CNTNAP2: variants seen among roughly 807,000 people sequenced by gnomAD.
The protein encoded by CNTNAP2 is contactin-associated protein-like 2.
In CNTNAP2, 98 loss-of-function variants were observed where a neutral mutation model predicts 155.2. That is an observed-to-expected ratio of 0.63 (90% CI 0.54 to 0.75). The LOEUF (loss-of-function observed/expected upper bound fraction) is 0.75, where lower values mean the gene tolerates loss of function less well. Among genes scored for constraint, CNTNAP2 ranks in the 30% least tolerant of loss-of-function variants. The probability of loss-of-function intolerance (pLI) is 0.00; values close to 1 mark genes in which losing one functional copy is unlikely to be tolerated. For synonymous variants in CNTNAP2, 651 were observed against 631.2 expected (o/e 1.03, Z -0.47); for missense variants, 1,727 against 1,688.1 (o/e 1.02, Z -0.40).
intron 1 of CNTNAP2, among the ~76,000 whole-genome samples, chr7:146,509,168 A>G (rs1038323335): frequency 6.6e-6 from 1 of 152,154 alleles, no homozygotes; most frequent in African/African-American, 2.4e-5. Flanking sequence ...CTCCTGAATT[A>G]CCTGCACCAC....
intron 4 of CNTNAP2, among the ~76,000 whole-genome samples, chr7:147,045,782 A>G (rs958334966): frequency 7.9e-5 from 12 of 152,148 alleles, no homozygotes; most frequent in Non-Finnish European, 1.3e-4. Context: ...GTTAAGAGCC[A>G]TGTTTAACTT....
intron 1 of CNTNAP2, among the ~76,000 whole-genome samples, chr7:146,258,174 G>A (rs183227681): frequency 1.0e-3 from 155 of 152,150 alleles, no homozygotes; most frequent in Non-Finnish European, 1.9e-3. Flanking sequence ...TTACAGGCGT[G>A]GGCCACCATA....
chr7:147,546,076 C>T (rs999853417), intron 11 of CNTNAP2, among the ~76,000 whole-genome samples: 8 of 152,116 alleles, frequency 5.3e-5, no homozygotes, highest in Non-Finnish European at 1.2e-4. Flanking sequence ...TTATAAATTA[C>T]CCAGTCTCAG....
chr7:146,978,001 A>G (rs1168137921), intron 3 of CNTNAP2, among the ~76,000 whole-genome samples: 1 of 152,152 alleles, frequency 6.6e-6, no homozygotes, highest in Non-Finnish European at 1.5e-5. Flanking sequence ...AAATATAGAA[A>G]AGGTCTTAAA....
intron 9 of CNTNAP2, among the ~76,000 whole-genome samples, chr7:147,392,465 C>T (rs965991107): frequency 2.6e-5 from 4 of 151,934 alleles, no homozygotes; most frequent in Non-Finnish European, 5.9e-5. Context: ...ATCACCTTAG[C>T]GGTATACACT....
At chr7:148,164,833 A>T (rs571607725) in intron 17 of CNTNAP2, among the ~76,000 whole-genome samples, 6 of 150,462 alleles carry the variant, frequency 4.0e-5, no homozygotes, top group Middle Eastern at 3.2e-3. Context: ...TTTTTAGTAC[A>T]GACAGGGTTT....
chr7:146,659,910 G>A lies in CNTNAP2; in HGVS notation c.98-114361G>A, dbSNP rs1585029172. ...ACACAGATGTTGGCACAGTGCTGAA[G>A]GATGGCGGCTGGCCAGCCTGCTTTA... On this transcript the variant is annotated intron_variant, in intron 1 of 23. Transcript: ENST00000361727. 2.0e-5 allele frequency among the ~76,000 whole-genome samples: 3 copies of A among 152,330 alleles called. No individual in the cohort carries two copies. The South Asian group carries it at 6.2e-4, about 32-fold the overall frequency.
intron 1 of CNTNAP2, among the ~76,000 whole-genome samples, chr7:146,704,529 A>G (rs1045671569): frequency 2.0e-5 from 3 of 152,136 alleles, no homozygotes; most frequent in African/African-American, 7.2e-5. Flanking sequence ...GCAAAGTTTG[A>G]CTACTTAAAT....
At chr7:146,244,407 C>T (rs1799612424) in intron 1 of CNTNAP2, among the ~76,000 whole-genome samples, 1 of 152,062 alleles carries the variant, frequency 6.6e-6, no homozygotes, top group Non-Finnish European at 1.5e-5. Flanking sequence ...GGGGCACAGT[C>T]TAAGTTGATC....
chr7:146,817,454 A>G (rs1803195258), intron 2 of CNTNAP2, among the ~76,000 whole-genome samples: 2 of 150,794 alleles, frequency 1.3e-5, no homozygotes, highest in African/African-American at 5.0e-5. Flanking sequence ...CTTGGGCAAC[A>G]TGAGCGAAAC....
chr7:148,297,506 A>C lies in CNTNAP2; in HGVS notation c.3475+30380A>C, dbSNP rs1393338602. Among the ~76,000 whole-genome samples the C allele has an allele frequency of 5.3e-5, 8 of 152,160 alleles. No homozygotes were observed. The East Asian group carries it at 1.4e-3, about 26-fold the overall frequency. On this transcript the variant is annotated intron_variant, in intron 21 of 23. Transcript: ENST00000361727. ...TCATGGGAGATTGCTCATTATGGAG[A>C]ACCATAGAGGCATCTCAGTAAGAGG...
intron 8 of CNTNAP2, among the ~76,000 whole-genome samples, chr7:147,171,486 A>G (rs905326067): frequency 3.3e-5 from 5 of 152,188 alleles, no homozygotes; most frequent in Non-Finnish European, 5.9e-5. Context: ...CAGCTACACA[A>G]AAGACCAAAA....
chr7:147,405,981 A>G (rs1037638124), intron 10 of CNTNAP2, among the ~76,000 whole-genome samples: 4 of 152,152 alleles, frequency 2.6e-5, no homozygotes, highest in African/African-American at 9.6e-5. Context: ...TCCCTCTAAC[A>G]ACGAGTCATT....
intron 1 of CNTNAP2, among the ~76,000 whole-genome samples, chr7:146,523,447 C>T (rs763790679): frequency 1.3e-5 from 2 of 151,996 alleles, no homozygotes; most frequent in Non-Finnish European, 2.9e-5. Context: ...CATGGACAAC[C>T]TTTAAAATAT....
At chr7:147,936,305 T>A (rs999916069) in intron 14 of CNTNAP2, among the ~76,000 whole-genome samples, 7 of 151,546 alleles carry the variant, frequency 4.6e-5, no homozygotes, top group Middle Eastern at 3.4e-3. Flanking sequence ...ATTTTATTTT[T>A]TTTTTTTTGC....
intron 1 of CNTNAP2, among the ~76,000 whole-genome samples, chr7:146,358,431 C>T (rs1458079871): frequency 6.6e-6 from 1 of 152,144 alleles, no homozygotes; most frequent in Non-Finnish European, 1.5e-5. Context: ...AAAAGATTTT[C>T]CTGGACTGTA....
At position 148,065,843 on chromosome 7, in the gene CNTNAP2, C is replaced by A. The variant is rs140772742; in HGVS notation, c.2384-52275C>A. Among the ~76,000 whole-genome samples the A allele has an allele frequency of 2.0e-4, 30 of 152,168 alleles. No homozygotes were observed. In the East Asian group the frequency reaches 5.4e-3, roughly 27 times the overall value. ...TATCATGCTAGTTGTTGCCTGAATA[C>A]CTTGTTTTTTGTCACCGTGTTATTG... is the stretch of plus-strand genomic sequence containing the variant. On this transcript the variant is annotated intron_variant, in intron 15 of 23. Transcript: ENST00000361727.
chr7:147,861,386 G>C (rs78836327), intron 13 of CNTNAP2, among the ~76,000 whole-genome samples: 1 of 145,586 alleles, frequency 6.9e-6, no homozygotes, highest in African/African-American at 2.6e-5. Context: ...ATAACACAAA[G>C]GACAGAGAAA....
intron 1 of CNTNAP2, among the ~76,000 whole-genome samples, chr7:146,238,794 C>T (rs1584819768): frequency 6.6e-6 from 1 of 152,150 alleles, no homozygotes; most frequent in Non-Finnish European, 1.5e-5. Flanking sequence ...TGGCGGAAGG[C>T]AAAGGGGAGG....
Sources: gnomAD v4.1 joint callset for allele counts (sites outside exome capture counted in the v4.1 genomes callset) on GRCh38, gnomAD v4.1.1 for gene constraint, MANE v1.5 for transcripts, NCBI Gene and HGNC (gene_info 2026-07-23, HGNC 2026-07-21) for gene names.